Variants in SLC23A2 observed in about 807,000 individuals in gnomAD.
SLC23A2 encodes solute carrier family 23 member 2.
A neutral mutation model predicts 73.3 loss-of-function variants in SLC23A2; 36 were observed. That is an observed-to-expected ratio of 0.49 (90% confidence interval 0.38 to 0.65). The LOEUF (loss-of-function observed/expected upper bound fraction) is 0.65, where lower values mean the gene tolerates loss of function less well. Ranked by LOEUF, SLC23A2 falls within the 30% of genes least tolerant of loss-of-function variation. SLC23A2 has a pLI of 0.00. For synonymous variants in SLC23A2, 343 were observed against 327.3 expected (o/e 1.05, Z -0.52); for missense variants, 507 against 841.6 (o/e 0.60, Z 4.92).
chr20:4,869,344 C>CA (rs971278482), intron 12 of SLC23A2, among the ~76,000 whole-genome samples: 38 of 98,376 alleles, frequency 3.9e-4, no homozygotes, highest in Admixed American at 1.7e-3. Flanking sequence ...AAAAAAAAAA[C>CA]AAAAAAAACC....
chr20:4,873,051 G>A (rs992920497), intron 11 of SLC23A2, among the ~76,000 whole-genome samples: 9 of 152,158 alleles, frequency 5.9e-5, no homozygotes, highest in African/African-American at 1.4e-4. Flanking sequence ...CGCCGCGCCC[G>A]GCCTGAAAGA....
chr20:4,933,651 G>C (rs1353198187), intron 2 of SLC23A2, among the ~76,000 whole-genome samples: 2 of 151,920 alleles, frequency 1.3e-5, no homozygotes, highest in African/African-American at 4.8e-5. Context: ...AAAAAAATGA[G>C]AGGGCACAGA....
At chr20:4,958,156 AAGGGTT>A (rs1044251376) in intron 2 of SLC23A2, among the ~76,000 whole-genome samples, 3 of 152,332 alleles carry the variant, frequency 2.0e-5, no homozygotes, top group African/African-American at 7.2e-5. Flanking sequence ...GCTGCAGTAG[AAGGGTT>A]AGTGGTAAAG....
chr20:4,999,052 G>A (rs1234894527), intron 1 of SLC23A2, among the ~76,000 whole-genome samples: 7 of 152,086 alleles, frequency 4.6e-5, no homozygotes, highest in African/African-American at 1.2e-4. Flanking sequence ...CGACCTGCCC[G>A]CCTCAGCCTC....
At chr20:4,925,020 A>G (rs80244584) in intron 3 of SLC23A2, among the ~76,000 whole-genome samples, 8,456 of 152,152 alleles carry the variant, frequency 0.056, 369 homozygotes, top group South Asian at 0.11. Context: ...TCTCTACAAA[A>G]AAAAAAAATT....
At chr20:4,879,855 A>G (rs1320037465) in intron 9 of SLC23A2, among the ~76,000 whole-genome samples, 1 of 152,204 alleles carries the variant, frequency 6.6e-6, no homozygotes, top group Non-Finnish European at 1.5e-5. Flanking sequence ...GTCTGTCAAG[A>G]TATGCTTATA....
intron 11 of SLC23A2, among the ~76,000 whole-genome samples, chr20:4,871,961 T>C (rs1252199506): frequency 6.6e-6 from 1 of 152,182 alleles, no homozygotes. Flanking sequence ...CTTATTTTGA[T>C]CCTTTTTCCT....
At chr20:4,885,258 G>A (rs1931050605) in intron 7 of SLC23A2, among the ~76,000 whole-genome samples, 1 of 152,188 alleles carries the variant, frequency 6.6e-6, no homozygotes, top group Non-Finnish European at 1.5e-5. Flanking sequence ...ATGAAGGCTG[G>A]AAAACTTTGC....
rs1343630110 is a variant in SLC23A2 at position 4,913,116 on chromosome 20, G to T, written c.109-138C>A. On this transcript the variant is annotated intron_variant, in intron 3 of 16. Coordinates refer to ENST00000338244, the MANE Select transcript of SLC23A2 (RefSeq NM_005116.6). ...GAAACATACTCCATGTACCGTATGGGGAGGCTGCCTTAGCAGAAGGCTCAG... is the reference window on the plus strand; with the variant it reads ...GAAACATACTCCATGTACCGTATGGTGAGGCTGCCTTAGCAGAAGGCTCAG... 3.0e-5 allele frequency: 19 copies of T among 639,802 alleles called. No homozygotes were observed. In the East Asian group the frequency reaches 3.0e-4, roughly 10 times the overall value. The allele number at this position is 639,802 out of a possible 1,614,324, so 39.6% of individuals were successfully genotyped here.
intron 1 of SLC23A2, among the ~76,000 whole-genome samples, chr20:4,978,274 T>G (rs74446019): frequency 6.6e-6 from 1 of 152,364 alleles, no homozygotes; most frequent in Non-Finnish European, 1.5e-5. Context: ...TATTTTTCCC[T>G]TCATAAACTG....
chr20:4,900,229 T>C (rs1931695310), intron 5 of SLC23A2, among the ~76,000 whole-genome samples: 2 of 152,382 alleles, frequency 1.3e-5, no homozygotes, highest in South Asian at 2.1e-4. Context: ...TTATTACTTA[T>C]TACTTGGATG....
At chr20:4,994,925 ACT>A (rs2087993875) in intron 1 of SLC23A2, among the ~76,000 whole-genome samples, 1 of 151,020 alleles carries the variant, frequency 6.6e-6, no homozygotes, top group Non-Finnish European at 1.5e-5. Flanking sequence ...CAAGAGCAAA[ACT>A]CTGTCTCAAA....
rs1930046804 is a variant in SLC23A2 at position 4,863,148 on chromosome 20, T to G, written c.1357-241A>C. 6.6e-6 allele frequency among the ~76,000 whole-genome samples: 1 copy of G among 152,108 alleles called. No homozygotes were observed. The highest frequency in any genetic ancestry group is 6.5e-5 in the Admixed American group (1 of 15,278). ...TCTACTGCCCTGGCACAGTCATGGG[T>G]TGGGATGGCCGTCTGTGTCTCAAAT... is the stretch of plus-strand genomic sequence containing the variant. On this transcript the variant is annotated intron_variant, in intron 13 of 16. Transcript: ENST00000338244. This position sits in a 1 kb window ranked among gnomAD's most constrained non-coding sequence, Gnocchi z 4.8.
At chr20:4,999,291 A>G (rs1168591074) in intron 1 of SLC23A2, among the ~76,000 whole-genome samples, 1 of 152,146 alleles carries the variant, frequency 6.6e-6, no homozygotes, top group Non-Finnish European at 1.5e-5. Context: ...AGGGCAAAAG[A>G]CACAGTTTAT....
chr20:5,005,396 T>G (rs1250062670), upstream of SLC23A2, among the ~76,000 whole-genome samples: 1 of 146,820 alleles, frequency 6.8e-6, no homozygotes, highest in Non-Finnish European at 1.5e-5. Flanking sequence ...ACAAACAAGG[T>G]TTTTTTTTCC....
chr20:4,870,189 A>T (rs1189203854), intron 11 of SLC23A2, 136 bp from the exon 12 acceptor site: 1 of 751,360 alleles, frequency 1.3e-6, no homozygotes, highest in Non-Finnish European at 2.1e-6. Flanking sequence ...GAAACTGTTC[A>T]TTTTAAAATC....
intron 3 of SLC23A2, among the ~76,000 whole-genome samples, chr20:4,924,103 G>A (rs1367553934): frequency 1.3e-5 from 2 of 152,036 alleles, no homozygotes; most frequent in South Asian, 2.1e-4. Context: ...GCTCTGAGCC[G>A]CATCGCCACT....
Position 4,854,143 on chromosome 20 carries a change from A to G in SLC23A2, c.*2829T>C, listed in dbSNP as rs947912407. On this transcript the variant is annotated 3_prime_UTR_variant, in exon 17 of 17. Coordinates refer to ENST00000338244, the MANE Select transcript of SLC23A2 (RefSeq NM_005116.6). ...CGGCCTGCAAGGACATTCACATCCA[A>G]AATATTTTACAACACTCTACAGGCA... 2.6e-5 allele frequency: 4 copies of G among 152,182 alleles called. No individual in the cohort carries two copies. The highest frequency in any genetic ancestry group is 5.9e-5 in the Non-Finnish European group (4 of 68,038). The allele number at this position is 152,182 out of a possible 1,614,324, so 9.4% of individuals were successfully genotyped here.
At chr20:4,973,119 T>G (rs1339243353) in intron 1 of SLC23A2, among the ~76,000 whole-genome samples, 1 of 152,230 alleles carries the variant, frequency 6.6e-6, no homozygotes, top group Admixed American at 6.5e-5. Flanking sequence ...GATAATTACA[T>G]AGTATGCATT....
Sources: allele counts gnomAD v4.1 joint callset (sites outside exome capture counted in the v4.1 genomes callset), GRCh38; gene constraint gnomAD v4.1.1; non-coding constraint Gnocchi (gnomAD v3.1); transcripts MANE v1.5; gene names NCBI Gene and HGNC (gene_info 2026-07-23, HGNC 2026-07-21).